Variants in TTC27 observed in about 807,000 individuals in gnomAD.
TTC27 encodes the protein tetratricopeptide repeat protein 27.
In TTC27, 79 loss-of-function variants were observed where a neutral mutation model predicts 115.9. The observed-to-expected ratio is 0.68, with a 90% CI of 0.57 to 0.82. TTC27 has a LOEUF of 0.82. TTC27 is among the 40% of genes least tolerant of loss of function. The pLI is 0.00. For missense variants in TTC27, 1,054 were observed against 993.1 expected (o/e 1.06, Z -0.82); for synonymous variants, 401 against 356.0 (o/e 1.13, Z -1.42).
chr2:32,640,542 A>G, intron 4 of TTC27, 132 bp downstream of exon 4: 1 of 970,256 alleles, frequency 1.0e-6, no homozygotes, highest in Non-Finnish European at 1.5e-6. Flanking sequence ...TAATTTAAAA[A>G]TCTGATGAAA....
intron 8 of TTC27, among the ~76,000 whole-genome samples, chr2:32,673,489 A>C (rs775240119): frequency 9.9e-5 from 15 of 151,844 alleles, no homozygotes; most frequent in Admixed American, 5.3e-4. Flanking sequence ...GGCCTCCCAG[A>C]GTGCTGGGAT....
chr2:32,695,510 G>A (rs1329067217), intron 9 of TTC27, among the ~76,000 whole-genome samples: 1 of 151,930 alleles, frequency 6.6e-6, no homozygotes, highest in Non-Finnish European at 1.5e-5. Context: ...CACGAGGTCA[G>A]GAGTTCAAGA....
At position 32,665,720 on chromosome 2, in the gene TTC27, C is replaced by G. The variant is rs772648947; in HGVS notation, c.806-915C>G. On this transcript the variant is annotated intron_variant, in intron 6 of 19. Transcript: ENST00000317907. ...CCATCCTGGCCAACATGGCAAAACCCGCCTCACTAAAAATACAAAAATTAG... is the reference window on the plus strand; with the variant it reads ...CCATCCTGGCCAACATGGCAAAACCGGCCTCACTAAAAATACAAAAATTAG... 3.4e-4 allele frequency among the ~76,000 whole-genome samples: 51 copies of G among 151,830 alleles called. 1 individual carries two copies. Among genetic ancestry groups the G allele is most frequent in the African/African-American group, 1.2e-3 (51 of 41,316 alleles).
At chr2:32,741,819 C>G (rs987216320) in intron 12 of TTC27, among the ~76,000 whole-genome samples, 1 of 152,148 alleles carries the variant, frequency 6.6e-6, no homozygotes, top group Non-Finnish European at 1.5e-5. Flanking sequence ...TAGGACACTC[C>G]TTATGGATGA....
intron 4 of TTC27, among the ~76,000 whole-genome samples, 198 bp from the exon 5 acceptor site, chr2:32,649,933 T>C (rs1021141786): frequency 6.6e-6 from 1 of 151,854 alleles, no homozygotes; most frequent in Non-Finnish European, 1.5e-5. Context: ...TTTGAGAGGA[T>C]GGAGGTGAGG....
intron 12 of TTC27, among the ~76,000 whole-genome samples, chr2:32,757,087 A>C (rs1387984033): frequency 6.6e-6 from 1 of 152,206 alleles, no homozygotes; most frequent in Non-Finnish European, 1.5e-5. Context: ...TTTATCTGTG[A>C]AGTAGGATGT....
chr2:32,817,400 C>A, intron 18 of TTC27, 57 bp from the exon 19 acceptor site: 1 of 1,414,410 alleles, frequency 7.1e-7, no homozygotes, highest in Non-Finnish European at 9.9e-7. Flanking sequence ...GCTTTTGTAC[C>A]TGTGAATTAT....
intron 13 of TTC27, among the ~76,000 whole-genome samples, chr2:32,764,610 T>C (rs527889662): frequency 1.3e-5 from 2 of 152,346 alleles, no homozygotes; most frequent in East Asian, 3.9e-4. Context: ...CAGTGAAGTT[T>C]GCTGCATAGA....
intron 7 of TTC27, among the ~76,000 whole-genome samples, chr2:32,667,778 G>T (rs1470902565): frequency 6.6e-6 from 1 of 150,494 alleles, no homozygotes; most frequent in African/African-American, 2.4e-5. Flanking sequence ...GATTGACCTG[G>T]CATGGTGGCT....
At chr2:32,767,722 A>G (rs1325315348) in intron 13 of TTC27, among the ~76,000 whole-genome samples, 1 of 151,928 alleles carries the variant, frequency 6.6e-6, no homozygotes, top group Non-Finnish European at 1.5e-5. Flanking sequence ...CGGCCTCCCA[A>G]AGTGCTGGGA....
At chr2:32,810,114 C>CAAA (rs60347156) in intron 16 of TTC27, among the ~76,000 whole-genome samples, 26,880 of 130,032 alleles carry the variant, frequency 0.21, 2,810 homozygotes, top group Admixed American at 0.26. Context: ...GACTCTGTCT[C>CAAA]AAAAAAAAAA....
chr2:32,685,596 A>T (rs1193591544), intron 9 of TTC27, among the ~76,000 whole-genome samples: 3 of 152,222 alleles, frequency 2.0e-5, no homozygotes, highest in Non-Finnish European at 2.9e-5. Flanking sequence ...GAAACAATGC[A>T]GTTCACCTTA....
chr2:32,644,325 G>A (rs1396290777), intron 4 of TTC27, among the ~76,000 whole-genome samples: 1 of 150,656 alleles, frequency 6.6e-6, no homozygotes, highest in African/African-American at 2.4e-5. Flanking sequence ...CACTCCAGCC[G>A]AGGCGACAGA....
intron 10 of TTC27, among the ~76,000 whole-genome samples, chr2:32,708,887 C>T (rs1185987197): frequency 6.6e-6 from 1 of 152,076 alleles, no homozygotes; most frequent in Non-Finnish European, 1.5e-5. Context: ...ATATAACATA[C>T]AAAATATGTG....
At chr2:32,658,119 C>T (rs1665400597) in intron 5 of TTC27, among the ~76,000 whole-genome samples, 1 of 152,026 alleles carries the variant, frequency 6.6e-6, no homozygotes. Context: ...TGAGCCACTG[C>T]ACCCGGCCCT....
chr2:32,744,836 G>A (rs1457189659), intron 12 of TTC27, among the ~76,000 whole-genome samples: 2 of 151,988 alleles, frequency 1.3e-5, no homozygotes, highest in Non-Finnish European at 2.9e-5. Context: ...GGATCACAAC[G>A]TCAGGAGTTT....
intron 9 of TTC27, 30 bp downstream of exon 9, chr2:32,678,952 AT>A: frequency 5.0e-6 from 8 of 1,591,000 alleles, no homozygotes; most frequent in East Asian, 2.2e-5. Flanking sequence ...CTTCCATTTC[AT>A]TTTTTTCCTG....
At chr2:32,750,215 T>C (rs4952288) in intron 12 of TTC27, among the ~76,000 whole-genome samples, 26,226 of 152,188 alleles carry the variant, frequency 0.17, 2,688 homozygotes, top group South Asian at 0.36. Context: ...ACAACCATTA[T>C]ATCTATATAG....
rs1441805947 is a variant in TTC27, at chr2:32,778,031, G to A, written c.1779+51G>A. 3.2e-6 allele frequency: 5 copies of A among 1,568,744 alleles called. No individual in the cohort carries two copies. The East Asian group carries it at 1.1e-4, about 35-fold the overall frequency. On this transcript the variant is annotated intron_variant, in intron 14 of 19. Transcript: ENST00000317907. Reference sequence around the variant, plus strand: ...TACGTGGCTCTTTACTCTCTAAGTTGTTGAAATTGTACTGTATGGTTCAGA... The same window carrying A: ...TACGTGGCTCTTTACTCTCTAAGTTATTGAAATTGTACTGTATGGTTCAGA...
Sources: allele counts gnomAD v4.1 joint callset (sites outside exome capture counted in the v4.1 genomes callset), GRCh38; gene constraint gnomAD v4.1.1; transcripts MANE v1.5; gene names NCBI Gene and HGNC (gene_info 2026-07-23, HGNC 2026-07-21).